ORC4: variants seen among roughly 807,000 people sequenced by gnomAD.
The protein encoded by ORC4 is origin recognition complex subunit 4.
A neutral mutation model predicts 63.9 loss-of-function variants in ORC4; 55 were observed. That is an observed-to-expected ratio of 0.86 (90% CI 0.69 to 1.08). The LOEUF is 1.08. Among genes scored for constraint, ORC4 ranks in the 50% least tolerant of loss-of-function variants. The pLI is 0.00. For missense variants in ORC4, 511 were observed against 504.4 expected, an observed-to-expected ratio of 1.01 and a Z score of -0.13; for synonymous variants, 150 against 168.5, an observed-to-expected ratio of 0.89 and a Z score of 0.85.
chr2:147,932,969 TAC>T lies in ORC4; in HGVS notation c.*2539_*2540del, dbSNP rs1255087697. On this transcript the variant is annotated 3_prime_UTR_variant, in exon 14 of 14. Transcript: ENST00000392857. Reference sequence around the variant, plus strand: ...GTTTTCAACATATACAGCATTATGATACAGTAAGTTTGGACCAAACAGGTATT... The same window carrying T: ...GTTTTCAACATATACAGCATTATGATAGTAAGTTTGGACCAAACAGGTATT... The T allele has an allele frequency of 6.6e-6, 1 of 152,124 alleles. No individual in the cohort carries two copies. 9.4% of individuals were successfully genotyped at this position (152,124 alleles called of 1,614,324 possible).
intron 7 of ORC4, among the ~76,000 whole-genome samples, chr2:147,953,998 C>T (rs1020052267): frequency 1.3e-5 from 2 of 151,628 alleles, no homozygotes; most frequent in African/African-American, 4.8e-5. Flanking sequence ...TATTCAAAGT[C>T]AGATCCCTAC....
Position 148,004,180 on chromosome 2 carries a change from C to A in ORC4, c.-18+16453G>T, listed in dbSNP as rs146620494. On this transcript the variant is annotated intron_variant, in intron 1 of 13. Transcript: ENST00000392857. ...GATCAATATCATGAAAATGGCCACACCGCCCAAAGTAATTTATAGATTCAA... is the reference window on the plus strand; with the variant it reads ...GATCAATATCATGAAAATGGCCACAACGCCCAAAGTAATTTATAGATTCAA... Among the ~76,000 whole-genome samples the A allele has an allele frequency of 5.5e-3, 832 of 152,224 alleles. 6 individuals carry two copies. The highest frequency in any genetic ancestry group is 0.029 in the South Asian group (139 of 4,824).
At chr2:147,997,196 C>T (rs1177494490) in intron 1 of ORC4, among the ~76,000 whole-genome samples, 1 of 151,864 alleles carries the variant, frequency 6.6e-6, no homozygotes, top group Non-Finnish European at 1.5e-5. Context: ...CTGGAATAGG[C>T]AAAACTACAG....
rs114421569 is a variant in ORC4, at chr2:147,945,647, G to A, written c.763-2125C>T. Among the ~76,000 whole-genome samples, 261 of 152,162 alleles carry A rather than the reference G, an allele frequency of 1.7e-3. 1 individual carries two copies. Among genetic ancestry groups the A allele is most frequent in the African/African-American group, 5.9e-3 (244 of 41,526 alleles). Reference sequence around the variant, plus strand: ...TTGCTTATTTGACTCATTTGAAGTAGGGCTAAAACAAACCTTCAAATTAGG... The same window carrying A: ...TTGCTTATTTGACTCATTTGAAGTAAGGCTAAAACAAACCTTCAAATTAGG... On this transcript the variant is annotated intron_variant, in intron 9 of 13. Coordinates refer to ENST00000392857, the MANE Select transcript of ORC4 (RefSeq NM_181741.4).
chr2:147,994,937 T>C (rs1558869087), intron 1 of ORC4, among the ~76,000 whole-genome samples: 3 of 152,320 alleles, frequency 2.0e-5, no homozygotes, highest in Admixed American at 6.5e-5. Context: ...TGAAGCCAGC[T>C]GGACTTCCTG....
chr2:148,021,159 C>G (rs945698146), upstream of ORC4: 11 of 157,844 alleles, frequency 7.0e-5, no homozygotes, highest in Admixed American at 1.3e-4. Flanking sequence ...GGGGGGGCAC[C>G]TTTTATTTCT....
At position 147,933,716 on chromosome 2, in the gene ORC4, C is replaced by CT. The variant is rs1284598786; in HGVS notation, c.*1793dup. ...GTTCAGAAAATTTTTAAAAGGATCA[C>CT]TTAGAGCATAAGTGTAAAATTCTTG... On this transcript the variant is annotated 3_prime_UTR_variant, in exon 14 of 14. Transcript: ENST00000392857. The CT allele has an allele frequency of 1.3e-5, 2 of 152,066 alleles. No individual in the cohort carries two copies. The highest frequency in any genetic ancestry group is 3.9e-4 in the East Asian group (2 of 5,192). The allele number at this position is 152,066 out of a possible 1,614,324, so 9.4% of individuals were successfully genotyped here. A position where few individuals can be genotyped will look rare whatever the true frequency, so the allele number is the denominator to read the frequency against.
intron 1 of ORC4, among the ~76,000 whole-genome samples, chr2:147,999,488 T>C (rs747257674): frequency 6.6e-5 from 10 of 152,130 alleles, no homozygotes; most frequent in Non-Finnish European, 1.2e-4. Context: ...CTATGCACTG[T>C]AGGATGTAAC....
intron 10 of ORC4, among the ~76,000 whole-genome samples, chr2:147,942,965 T>C (rs1349781598): frequency 6.6e-6 from 1 of 152,128 alleles, no homozygotes; most frequent in Non-Finnish European, 1.5e-5. Flanking sequence ...GTAATGAATA[T>C]GTGGGAAATG....
intron 1 of ORC4, among the ~76,000 whole-genome samples, chr2:148,008,160 T>C (rs754945716): frequency 1.6e-4 from 25 of 152,162 alleles, no homozygotes; most frequent in Non-Finnish European, 2.9e-4. Flanking sequence ...AAAGGGAAGT[T>C]CTTCAATCTG....
chr2:147,981,940 G>A (rs1337685345), intron 1 of ORC4: 1 of 152,188 alleles, frequency 6.6e-6, no homozygotes, highest in Non-Finnish European at 1.5e-5. Context: ...TGGTAATGCT[G>A]TTTTCTTCTC....
rs763366708 is a variant in ORC4 at position 147,958,838 on chromosome 2, A to G, written c.254T>C (p.Met85Thr). 1.4e-6 allele frequency: 2 copies of G among 1,422,050 alleles called. No homozygotes were observed. The highest frequency in any genetic ancestry group is 2.3e-5 in the South Asian group (2 of 86,178). 88.1% of individuals were successfully genotyped at this position (1,422,050 alleles called of 1,614,324 possible). Residue 85 changes from methionine (M) to threonine (T), a missense_variant, in exon 5 of 14, where the codon ATG (methionine) becomes ACG (threonine). Met to Thr is a moderately conservative substitution (Grantham distance 81). Coordinates refer to ENST00000392857, the MANE Select transcript of ORC4 (RefSeq NM_181741.4). Reference protein sequence around the residue: ...MLINHALKELMEIEEVSENVL... With the variant: ...MLINHALKELTEIEEVSENVL... ...ATTTTCACTCACTTCTTCTATTTCC[A>G]TGAGTTCTTTCAAAGCATGATTTAT...
intron 1 of ORC4, among the ~76,000 whole-genome samples, chr2:147,998,670 A>G (rs1209705538): frequency 3.3e-5 from 5 of 152,192 alleles, no homozygotes; most frequent in African/African-American, 9.7e-5. Context: ...TATCTTTATA[A>G]ATTACCCAGT....
At chr2:147,996,477 G>A (rs938956475) in intron 1 of ORC4, among the ~76,000 whole-genome samples, 1 of 152,070 alleles carries the variant, frequency 6.6e-6, no homozygotes, top group Non-Finnish European at 1.5e-5. Flanking sequence ...TCTACCAAAT[G>A]GCACTACTAA....
chr2:147,958,375 G>A lies in ORC4; in HGVS notation c.310C>T (p.Gln104Ter), dbSNP rs771941764. ...TTTAGGGCGATTTTGTCATTGATCT[G>A]CAGCAGTCCTAAAATAAAGTCCATT... is the stretch of plus-strand genomic sequence containing the variant. The part of the protein sequence containing the change: ...VLQVHLNGLL[Q>*]INDKIALKEI... The change falls in exon 6 of 14, where the codon CAG becomes TAG. Residue 104 changes from glutamine to a stop codon, truncating the protein, a stop_gained. Coordinates refer to ENST00000392857, the MANE Select transcript of ORC4 (RefSeq NM_181741.4). LOFTEE classifies it high-confidence loss of function. 1 of 1,608,932 alleles carries A rather than the reference G, an allele frequency of 6.2e-7. No individual in the cohort carries two copies. The highest frequency in any genetic ancestry group is 1.7e-5 in the Admixed American group (1 of 59,940).
chr2:147,953,096 G>A (rs1292285930), intron 7 of ORC4, among the ~76,000 whole-genome samples: 3 of 151,206 alleles, frequency 2.0e-5, no homozygotes, highest in African/African-American at 4.9e-5. Flanking sequence ...TTGGGAGGCC[G>A]AGGTAGGTGG....
At chr2:147,945,942 G>T (rs1688636769) in intron 9 of ORC4, among the ~76,000 whole-genome samples, 1 of 152,074 alleles carries the variant, frequency 6.6e-6, no homozygotes, top group South Asian at 2.1e-4. Flanking sequence ...CAGGATAGGG[G>T]AAGAAAATAT....
intron 9 of ORC4, among the ~76,000 whole-genome samples, chr2:147,944,751 A>G (rs1390057076): frequency 6.6e-6 from 1 of 151,736 alleles, no homozygotes; most frequent in Non-Finnish European, 1.5e-5. Context: ...CTAGAGCTGT[A>G]ATTATATGTC....
chr2:147,942,508 C>A (rs543884981), intron 10 of ORC4, among the ~76,000 whole-genome samples: 3 of 151,982 alleles, frequency 2.0e-5, no homozygotes, highest in African/African-American at 7.2e-5. Context: ...CATGGTCATG[C>A]GAAACGATCG....
Sources: allele counts gnomAD v4.1 joint callset (sites outside exome capture counted in the v4.1 genomes callset), GRCh38; gene constraint gnomAD v4.1.1; transcripts MANE v1.5; gene names NCBI Gene and HGNC (gene_info 2026-07-23, HGNC 2026-07-21).